The following AFAP1L2 variants were observed in gnomAD, a reference collection of about 807,000 sequenced individuals.
AFAP1L2 encodes the protein actin filament-associated protein 1-like 2.
A neutral mutation model predicts 99.3 loss-of-function variants in AFAP1L2; 46 were observed. The observed-to-expected ratio is 0.46, with a 90% confidence interval of 0.37 to 0.59. The LOEUF (loss-of-function observed/expected upper bound fraction) is 0.59. Ranked by LOEUF, AFAP1L2 falls within the 20% of genes least tolerant of loss-of-function variation. The probability of loss-of-function intolerance (pLI) is 0.00; values close to 1 mark genes in which losing one functional copy is unlikely to be tolerated. For synonymous variants in AFAP1L2, 397 were observed against 419.1 expected (o/e 0.95, Z 0.64); for missense variants, 959 against 1,034.9 (o/e 0.93, Z 1.01).
At chr10:114,376,611 T>C (rs1371410381) in intron 1 of AFAP1L2, among the ~76,000 whole-genome samples, 1 of 152,200 alleles carries the variant, frequency 6.6e-6, no homozygotes, top group East Asian at 1.9e-4. Flanking sequence ...ACTGCTCCAC[T>C]TGGAGGAGAA....
At chr10:114,317,999 T>C (rs1010733486) in intron 5 of AFAP1L2, among the ~76,000 whole-genome samples, 3 of 152,212 alleles carry the variant, frequency 2.0e-5, no homozygotes, top group Non-Finnish European at 2.9e-5. Context: ...TGTAATCATT[T>C]AAAACTCTGA....
At chr10:114,280,863 T>C in the AFAP1L2 span, 2 of 152,152 alleles carry the variant, frequency 1.3e-5, no homozygotes, top group Non-Finnish European at 2.9e-5. Context: ...TTCAGCCTCC[T>C]AAGTAGTTGG....
intron 1 of AFAP1L2, among the ~76,000 whole-genome samples, chr10:114,365,903 A>ATT (rs138230111): frequency 4.0e-5 from 6 of 150,676 alleles, no homozygotes; most frequent in Admixed American, 6.6e-5. Flanking sequence ...ATAATTTTTA[A>ATT]TTTTTTTTTG....
chr10:114,316,632 G>GC (rs905569959), intron 5 of AFAP1L2, among the ~76,000 whole-genome samples: 4 of 152,100 alleles, frequency 2.6e-5, no homozygotes, highest in African/African-American at 7.2e-5. Flanking sequence ...TCTAGTTTCT[G>GC]CCCCCACCAC....
At chr10:114,367,685 G>C (rs1316393367) in intron 1 of AFAP1L2, among the ~76,000 whole-genome samples, 1 of 152,146 alleles carries the variant, frequency 6.6e-6, no homozygotes, top group East Asian at 1.9e-4. Context: ...GAACTTGCAA[G>C]TTTATTTCAG....
At chr10:114,341,810 T>C (rs1340772581) in intron 1 of AFAP1L2, among the ~76,000 whole-genome samples, 1 of 152,046 alleles carries the variant, frequency 6.6e-6, no homozygotes, top group African/African-American at 2.4e-5. Flanking sequence ...TAAATCACAA[T>C]TGTCCCTGTG....
intron 1 of AFAP1L2, chr10:114,363,057 G>A (rs1016382798): frequency 5.7e-5 from 56 of 985,256 alleles, no homozygotes; most frequent in Non-Finnish European, 6.1e-5. Context: ...GCTGCTCTCC[G>A]CTGGGGTCGG....
the AFAP1L2 span, chr10:114,281,309 T>C: frequency 6.6e-6 from 1 of 152,364 alleles, no homozygotes. Flanking sequence ...ACCGCTCCTG[T>C]GACAGCAGGG....
intron 1 of AFAP1L2, among the ~76,000 whole-genome samples, chr10:114,353,830 C>T (rs904675619): frequency 5.3e-5 from 8 of 152,050 alleles, no homozygotes; most frequent in Non-Finnish European, 2.9e-5. Context: ...AGACAAACTT[C>T]CACCAGCCTT....
chr10:114,284,914 G>A, the AFAP1L2 span: 3 of 1,605,676 alleles, frequency 1.9e-6, no homozygotes, highest in Non-Finnish European at 2.5e-6. Context: ...GTTCCAGAAG[G>A]ACTGGACGGC....
intron 1 of AFAP1L2, chr10:114,398,750 C>A: frequency 8.7e-7 from 1 of 1,144,074 alleles, no homozygotes; most frequent in Non-Finnish European, 1.2e-6. Flanking sequence ...TGATCTCCCT[C>A]AACCATCCAC....
chr10:114,306,401 T>G (rs1468497), intron 10 of AFAP1L2, among the ~76,000 whole-genome samples: 146,960 of 146,964 alleles, frequency 1, 73,478 homozygotes, highest in Non-Finnish European at 1. Context: ...GTGTGTCCTA[T>G]GCTGGCACTG....
intron 1 of AFAP1L2, among the ~76,000 whole-genome samples, chr10:114,369,590 G>A (rs1160577428): frequency 4.1e-5 from 4 of 97,194 alleles, no homozygotes; most frequent in South Asian, 3.8e-4. Flanking sequence ...GCGAGACTCC[G>A]ACTCAAAAAA....
downstream of AFAP1L2, chr10:114,291,343 C>T (rs2133744236): frequency 2.2e-6 from 3 of 1,346,392 alleles, no homozygotes; most frequent in Non-Finnish European, 3.0e-6. Flanking sequence ...GTCTGTGCCC[C>T]AGGTCCTTAG....
At chr10:114,320,171 T>A (rs2044937077) in intron 5 of AFAP1L2, among the ~76,000 whole-genome samples, 1 of 152,128 alleles carries the variant, frequency 6.6e-6, no homozygotes, top group African/African-American at 2.4e-5. Context: ...TGAGACACCA[T>A]CAGTGAAGAA....
At chr10:114,293,581 T>C (rs888520744), downstream of AFAP1L2, among the ~76,000 whole-genome samples, 4 of 152,230 alleles carry the variant, frequency 2.6e-5, no homozygotes, top group African/African-American at 9.7e-5. Context: ...TAGCCAAGCC[T>C]TTTTTCTTTC....
chr10:114,375,587 C>A (rs1438838191), intron 1 of AFAP1L2, among the ~76,000 whole-genome samples: 1 of 152,242 alleles, frequency 6.6e-6, no homozygotes, highest in East Asian at 1.9e-4. Context: ...CATTTCCTAT[C>A]ATTAAATCAA....
intron 13 of AFAP1L2, 106 bp downstream of exon 13, chr10:114,301,248 C>G (rs2041127999): frequency 3.3e-6 from 3 of 915,156 alleles, no homozygotes; most frequent in Non-Finnish European, 3.4e-6. Context: ...TCAGAACCCA[C>G]TCATCTCATC....
Position 114,308,564 on chromosome 10 carries a change from TACCTTG to T in AFAP1L2, c.883-53_883-48del, listed in dbSNP as rs2042762272. Reference sequence around the variant, plus strand: ...ATGGGGATCACTGGCTGGGAACAGTTACCTTGGAGACCACAATTGAAGGGAAAATAA... The same window carrying T: ...ATGGGGATCACTGGCTGGGAACAGTTGAGACCACAATTGAAGGGAAAATAA... On this transcript the variant is annotated intron_variant, in intron 8 of 18. Transcript: ENST00000304129. 5 of 1,525,280 alleles carry T rather than the reference TACCTTG, an allele frequency of 3.3e-6. No homozygotes were observed. The South Asian group carries it at 4.5e-5, about 14-fold the overall frequency. 94.5% of individuals were successfully genotyped at this position (1,525,280 alleles called of 1,614,324 possible).
Sources: gnomAD v4.1 joint callset for allele counts (sites outside exome capture counted in the v4.1 genomes callset) on GRCh38, gnomAD v4.1.1 for gene constraint, MANE v1.5 for transcripts, NCBI Gene and HGNC (gene_info 2026-07-23, HGNC 2026-07-21) for gene names.